Variants in FTSJ1 observed in about 807,000 individuals in gnomAD.
The protein encoded by FTSJ1 is FtsJ RNA 2'-O-methyltransferase 1, also known as tRNA (cytidine(32)/guanosine(34)-2'-O)-methyltransferase.
In FTSJ1, 3 loss-of-function variants were observed where a neutral mutation model predicts 28.5. That is an observed-to-expected ratio of 0.11 (90% confidence interval 0.05 to 0.27). The LOEUF is 0.27. FTSJ1 is among the 10% of genes least tolerant of loss of function. The pLI is 1.00. For synonymous variants in FTSJ1, 104 were observed against 113.9 expected, an observed-to-expected ratio of 0.91 and a Z score of 0.55; for missense variants, 162 against 279.0, an observed-to-expected ratio of 0.58 and a Z score of 2.99.
intron 12 of FTSJ1, among the ~76,000 whole-genome samples, chrX:48,483,713 T>TGGGCTCGAGCGATCTGCC (rs1484547042): frequency 4.5e-5 from 5 of 111,143 alleles, no homozygotes; most frequent in African/African-American, 1.3e-4. Flanking sequence ...CTCGATCTAC[T>TGGGCTCGAGCGATCTGCC]GGGCTCGAGC....
At chrX:48,485,060 G>A (rs782130313) in intron 12 of FTSJ1, among the ~76,000 whole-genome samples, 30 of 111,658 alleles carry the variant, frequency 2.7e-4, no homozygotes, top group African/African-American at 8.1e-4. Context: ...TTGGGAGGCC[G>A]AGGTGGGTGG....
At chrX:48,480,219 G>A (rs1362892575) in intron 5 of FTSJ1, among the ~76,000 whole-genome samples, 2 of 111,023 alleles carry the variant, frequency 1.8e-5, no homozygotes, top group Admixed American at 9.6e-5. Flanking sequence ...AGTACCTGTT[G>A]GAATTTTAAA....
At chrX:48,476,711 T>G (rs938114475) in intron 1 of FTSJ1, 10 of 120,756 alleles carry the variant, frequency 8.3e-5, no homozygotes, top group Non-Finnish European at 1.7e-4. Context: ...GAAGGCTGTT[T>G]TGGGAGGTTG....
chrX:48,478,714 G>T lies in FTSJ1; in HGVS notation c.282+7G>T. The T allele has an allele frequency of 8.6e-7, 1 of 1,159,772 alleles. No homozygotes were observed. Among genetic ancestry groups the T allele is most frequent in the Non-Finnish European group, 1.2e-6 (1 of 850,729 alleles). ...CCAGGGGGACATCACCCAGGTAAGA[G>T]CATGGCTGAGGGTGTTGGGGTATAT... On this transcript the variant is annotated splice_region_variant and intron_variant, in intron 4 of 12. Transcript: ENST00000348411.
At chrX:48,482,126 A>G (rs1171346198) in intron 9 of FTSJ1, among the ~76,000 whole-genome samples, 1 of 112,235 alleles carries the variant, frequency 8.9e-6, no homozygotes, top group African/African-American at 3.2e-5. Context: ...CTGGGATGAC[A>G]TTTGAGTGAG....
chrX:48,478,787 C>T (rs1366625080), intron 4 of FTSJ1, 80 bp downstream of exon 4: 5 of 682,747 alleles, frequency 7.3e-6, no homozygotes, highest in African/African-American at 2.1e-5. Context: ...GGAAGAGAAA[C>T]AGAGAGGTGA....
At position 48,481,543 on chromosome X, in the gene FTSJ1, G is replaced by A; in HGVS notation, c.571+15G>A. ...CTCTAGCATCGGTCAGTGGGGTGGA[G>A]GGGCCAGGCAGGCAGAGGGGGATCT... On this transcript the variant is annotated intron_variant, in intron 8 of 12. Coordinates refer to ENST00000348411, the MANE Select transcript of FTSJ1 (RefSeq NM_012280.4). 1 of 1,189,145 alleles carries A rather than the reference G, an allele frequency of 8.4e-7. No homozygotes were observed. Among genetic ancestry groups the A allele is most frequent in the Non-Finnish European group, 1.1e-6 (1 of 874,438 alleles).
At position 48,478,469 on chromosome X, in the gene FTSJ1, C is replaced by T; in HGVS notation, c.142C>T (p.Leu48=). The change falls in exon 3 of 13, where the codon CTG becomes TTG. Residue 48 remains leucine (L), a synonymous_variant. Transcript: ENST00000348411. ...LFQGVTRAVD[L]CAAPGSWSQV... is the part of the protein sequence containing the mutation. ...CCCAGGCGTGACACGGGCAGTTGAC[C>T]TGTGTGCAGCCCCAGGCAGCTGGAG... 1 of 1,210,309 alleles carries T rather than the reference C, an allele frequency of 8.3e-7. No individual in the cohort carries two copies. The highest frequency in any genetic ancestry group is 2.7e-4 in the Middle Eastern group (1 of 3,680).
At chrX:48,477,677 G>A (rs1322843396) in intron 1 of FTSJ1, among the ~76,000 whole-genome samples, 1 of 111,064 alleles carries the variant, frequency 9.0e-6, no homozygotes, top group Non-Finnish European at 1.9e-5. Context: ...AATGTGTGGA[G>A]TGTGGGTGAC....
In FTSJ1 at chrX:48,476,241, G is replaced by T. The variant is rs1468602297; in HGVS notation, c.-243G>T. 1.3e-5 allele frequency: 4 copies of T among 297,525 alleles called. No individual in the cohort carries two copies. The highest frequency in any genetic ancestry group is 2.3e-5 in the Non-Finnish European group (4 of 170,308). 24.5% of individuals were successfully genotyped at this position (297,525 alleles called of 1,213,427 possible). On this transcript the variant is annotated 5_prime_UTR_variant, in exon 1 of 13. Transcript: ENST00000348411. Reference sequence around the variant, plus strand: ...GCCCGCCGGAACCTGGGCGATCCACGATGCCGAGTTTGCCACGCTGCGACA... The same window carrying T: ...GCCCGCCGGAACCTGGGCGATCCACTATGCCGAGTTTGCCACGCTGCGACA...
chrX:48,479,145 G>A, intron 5 of FTSJ1, 29 bp downstream of exon 5: 1 of 1,075,419 alleles, frequency 9.3e-7, no homozygotes, highest in Admixed American at 2.2e-5. Context: ...TGGGAGGCCA[G>A]GCGGGGCCCC....
intron 1 of FTSJ1, among the ~76,000 whole-genome samples, chrX:48,477,073 G>T (rs1017364557): frequency 2.7e-5 from 3 of 110,473 alleles, no homozygotes; most frequent in African/African-American, 9.9e-5. Flanking sequence ...CATGACCGTC[G>T]AGGAATTAGG....
chrX:48,483,719 C>T (rs1278511924), intron 12 of FTSJ1, among the ~76,000 whole-genome samples: 2 of 110,893 alleles, frequency 1.8e-5, no homozygotes, highest in Non-Finnish European at 3.8e-5. Context: ...CTACTGGGCT[C>T]GAGCGATCTG....
Position 48,481,534 on chromosome X carries a change from T to G in FTSJ1, c.571+6T>G. 1 of 1,199,523 alleles carries G rather than the reference T, an allele frequency of 8.3e-7. No homozygotes were observed. Among genetic ancestry groups the G allele is most frequent in the Non-Finnish European group, 1.1e-6 (1 of 884,176 alleles). Reference sequence around the variant, plus strand: ...CAGCCGGAACTCTAGCATCGGTCAGTGGGGTGGAGGGGCCAGGCAGGCAGA... The same window carrying G: ...CAGCCGGAACTCTAGCATCGGTCAGGGGGGTGGAGGGGCCAGGCAGGCAGA... On this transcript the variant is annotated splice_donor_region_variant and intron_variant, in intron 8 of 12. Transcript: ENST00000348411.
chrX:48,480,068 C>T (rs1212232855), intron 5 of FTSJ1, among the ~76,000 whole-genome samples: 6 of 110,561 alleles, frequency 5.4e-5, no homozygotes, highest in African/African-American at 1.3e-4. Flanking sequence ...CGCTTGAACC[C>T]GGGAGGCGGA....
At chrX:48,478,288 G>T (rs1212400666) in intron 2 of FTSJ1, 120 bp downstream of exon 2, 8 of 857,995 alleles carry the variant, frequency 9.3e-6, no homozygotes, top group Non-Finnish European at 1.4e-5. Flanking sequence ...CTGGGGCAGG[G>T]AGACAGGCAG....
At position 48,481,730 on chromosome X, in the gene FTSJ1, A is replaced by T; in HGVS notation, c.655+15A>T. Reference sequence around the variant, plus strand: ...CCATTCTTACGGTGAGAGCTGGAGCATGGGCCACCCTGGGGGACTCTGCCA... The same window carrying T: ...CCATTCTTACGGTGAGAGCTGGAGCTTGGGCCACCCTGGGGGACTCTGCCA... On this transcript the variant is annotated intron_variant, in intron 9 of 12. Coordinates refer to ENST00000348411, the MANE Select transcript of FTSJ1 (RefSeq NM_012280.4). The T allele has an allele frequency of 9.6e-7, 1 of 1,045,383 alleles. No individual in the cohort carries two copies. The highest frequency in any genetic ancestry group is 1.3e-6 in the Non-Finnish European group (1 of 743,947). 86.2% of individuals were successfully genotyped at this position (1,045,383 alleles called of 1,213,427 possible).
At position 48,481,615 on chromosome X, in the gene FTSJ1, C is replaced by G; in HGVS notation, c.572-17C>G. On this transcript the variant is annotated splice_polypyrimidine_tract_variant and intron_variant, in intron 8 of 12. Coordinates refer to ENST00000348411, the MANE Select transcript of FTSJ1 (RefSeq NM_012280.4). ...GAGGAAGCGGCAGTCATGCCTCACT[C>G]CACCTTCCCCTGGCAGAGGCCTTCG... 8.5e-7 allele frequency: 1 copy of G among 1,175,266 alleles called. No individual in the cohort carries two copies. The highest frequency in any genetic ancestry group is 1.2e-6 in the Non-Finnish European group (1 of 862,070).
At chrX:48,480,038 G>C (rs782562934) in intron 5 of FTSJ1, among the ~76,000 whole-genome samples, 2 of 111,078 alleles carry the variant, frequency 1.8e-5, no homozygotes, top group African/African-American at 6.5e-5. Flanking sequence ...CAGCTACTTG[G>C]GAGGCTAAGA....
Sources: gnomAD v4.1 joint callset for allele counts (sites outside exome capture counted in the v4.1 genomes callset) on GRCh38, gnomAD v4.1.1 for gene constraint, MANE v1.5 for transcripts, NCBI Gene and HGNC (gene_info 2026-07-23, HGNC 2026-07-21) for gene names.